Variants in NDUFA10 observed in about 807,000 individuals in gnomAD.
The protein encoded by NDUFA10 is NADH:ubiquinone oxidoreductase subunit A10, also known as NADH dehydrogenase [ubiquinone] 1 alpha subcomplex subunit 10, mitochondrial.
NDUFA10 carries 40 observed loss-of-function variants against 47.8 expected under a neutral mutation model. That is an observed-to-expected ratio of 0.84 (90% CI 0.65 to 1.09). The LOEUF (loss-of-function observed/expected upper bound fraction) is 1.09, where lower values mean the gene tolerates loss of function less well. Ranked by LOEUF, NDUFA10 falls within the 50% of genes least tolerant of loss-of-function variation. NDUFA10 has a pLI of 0.00. For synonymous variants in NDUFA10, 183 were observed against 172.2 expected, an observed-to-expected ratio of 1.06 and a Z score of -0.49; for missense variants, 413 against 451.1, an observed-to-expected ratio of 0.92 and a Z score of 0.76.
At chr2:239,898,973 A>AAGAGGTATGATGGAGAGGTATGATGG (rs761584333) in intron 4 of NDUFA10, among the ~76,000 whole-genome samples, 1 of 87,482 alleles carries the variant, frequency 1.1e-5, no homozygotes. Flanking sequence ...GGGTGTGATG[A>AAGAGGTATGATGGAGAGGTATGATGG]AGAGGTATGA....
intron 9 of NDUFA10, chr2:239,982,108 C>T (rs368893528): frequency 1.3e-4 from 215 of 1,612,546 alleles, no homozygotes; most frequent in Middle Eastern, 4.9e-4. Context: ...TGACCTGACA[C>T]GTGTACCTGA....
At chr2:240,003,386 G>C (rs1041914856) in intron 8 of NDUFA10, among the ~76,000 whole-genome samples, 1 of 152,204 alleles carries the variant, frequency 6.6e-6, no homozygotes, top group Non-Finnish European at 1.5e-5. Flanking sequence ...TGAGGAGAGG[G>C]AAGTTGAGTG....
chr2:239,893,180 T>A (rs374740287), intron 5 of NDUFA10, among the ~76,000 whole-genome samples: 3 of 152,026 alleles, frequency 2.0e-5, no homozygotes. Flanking sequence ...GGGCAGGGGG[T>A]GGGCTGATGC....
chr2:240,007,934 T>C (rs1468035734), intron 6 of NDUFA10, among the ~76,000 whole-genome samples: 1 of 152,112 alleles, frequency 6.6e-6, no homozygotes. Context: ...CCTCCACACA[T>C]TTAGGATGTA....
intron 4 of NDUFA10, among the ~76,000 whole-genome samples, chr2:239,920,200 G>A (rs1235698425): frequency 1.3e-5 from 2 of 152,240 alleles, no homozygotes; most frequent in Non-Finnish European, 2.9e-5. Context: ...AACCCCGTGT[G>A]AGGGTTCAGC....
intron 4 of NDUFA10, among the ~76,000 whole-genome samples, chr2:239,927,643 G>A (rs759095378): frequency 2.6e-5 from 4 of 152,164 alleles, no homozygotes; most frequent in Non-Finnish European, 4.4e-5. Context: ...GTCACATGCC[G>A]CACAATTCCA....
Position 240,025,205 on chromosome 2 carries a change from TGCCACCCC to T in NDUFA10, c.75+14_75+21del. On this transcript the variant is annotated intron_variant, in intron 1 of 9. Coordinates refer to ENST00000252711, the MANE Select transcript of NDUFA10 (RefSeq NM_004544.4). ...CCGCCACCCTGCCACCCCGCCACCC[TGCCACCCC>T]GCCGCCCGCTCACCACGCGCTGGGC... 1 of 908,218 alleles carries T rather than the reference TGCCACCCC, an allele frequency of 1.1e-6. No homozygotes were observed. The highest frequency in any genetic ancestry group is 1.4e-6 in the Non-Finnish European group (1 of 704,950). 56.3% of individuals were successfully genotyped at this position (908,218 alleles called of 1,614,324 possible). A position where few individuals can be genotyped will look rare whatever the true frequency, so the allele number is the denominator to read the frequency against.
chr2:239,896,795 C>T (rs1693407493), intron 4 of NDUFA10, among the ~76,000 whole-genome samples: 1 of 152,112 alleles, frequency 6.6e-6, no homozygotes, highest in African/African-American at 2.4e-5. Flanking sequence ...GCAAGTCAAA[C>T]AACAAGATGT....
chr2:239,962,828 C>A (rs769541448), intron 9 of NDUFA10, among the ~76,000 whole-genome samples: 2 of 151,964 alleles, frequency 1.3e-5, no homozygotes, highest in South Asian at 4.2e-4. Flanking sequence ...GAGCATGAGG[C>A]GGGTAGGGGG....
chr2:239,962,061 G>A (rs755988313), intron 9 of NDUFA10, among the ~76,000 whole-genome samples: 3 of 152,222 alleles, frequency 2.0e-5, no homozygotes, highest in Non-Finnish European at 2.9e-5. Flanking sequence ...TGGCTGAGAC[G>A]GAAAGAGGAG....
Position 239,939,428 on chromosome 2 carries a change from G to A in NDUFA10, c.295-44114C>T, listed in dbSNP as rs115720046. On this transcript the variant is annotated intron_variant, in intron 4 of 5. Coordinates refer to the NDUFA10 transcript ENST00000419408. ...TGTCCCAGGAAGTGAGGCAGCTGCA[G>A]TGGAAACAGCTCCCTGGGGGGCCAC... Among the ~76,000 whole-genome samples, 793 of 152,384 alleles carry A rather than the reference G, an allele frequency of 5.2e-3. 9 individuals carry two copies. Among genetic ancestry groups the A allele is most frequent in the South Asian group, 0.038 (182 of 4,832 alleles).
intron 4 of NDUFA10, among the ~76,000 whole-genome samples, chr2:240,015,835 G>A (rs1697324287): frequency 6.6e-6 from 1 of 152,224 alleles, no homozygotes; most frequent in Non-Finnish European, 1.5e-5. Flanking sequence ...CCATGCTAGG[G>A]TCCACAGAAA....
intron 9 of NDUFA10, among the ~76,000 whole-genome samples, chr2:239,965,999 A>C (rs1344312847): frequency 6.6e-6 from 1 of 152,228 alleles, no homozygotes; most frequent in African/African-American, 2.4e-5. Flanking sequence ...AGAAATCAAA[A>C]AGGAAGTTTA....
intron 4 of NDUFA10, among the ~76,000 whole-genome samples, chr2:239,915,508 TACAG>T (rs749137648): frequency 1.5e-4 from 17 of 115,180 alleles, no homozygotes; most frequent in Admixed American, 5.2e-4. Flanking sequence ...CACACAAATA[TACAG>T]ACACACACAG....
chr2:240,015,768 A>T (rs780056577), intron 4 of NDUFA10, among the ~76,000 whole-genome samples: 2 of 152,260 alleles, frequency 1.3e-5, no homozygotes, highest in African/African-American at 2.4e-5. Context: ...GGCCATGCTG[A>T]GAAGCCATCC....
intron 3 of NDUFA10, chr2:240,020,937 G>A: frequency 1.8e-6 from 1 of 566,204 alleles, no homozygotes; most frequent in East Asian, 3.0e-5. Context: ...GAATATGTAA[G>A]TATAGAAGCT....
chr2:239,975,624 A>G (rs1363516987), intron 9 of NDUFA10, among the ~76,000 whole-genome samples: 1 of 152,184 alleles, frequency 6.6e-6, no homozygotes, highest in African/African-American at 2.4e-5. Flanking sequence ...GCTCGGGGTG[A>G]CCTGGTATTG....
intron 4 of NDUFA10, among the ~76,000 whole-genome samples, chr2:239,895,643 G>C (rs1359741178): frequency 1.3e-5 from 2 of 152,108 alleles, no homozygotes; most frequent in African/African-American, 2.4e-5. Context: ...GAATGTTACT[G>C]TTCATTTTAT....
chr2:239,914,533 CACAG>C (rs1242401625), intron 4 of NDUFA10, among the ~76,000 whole-genome samples: 4 of 149,628 alleles, frequency 2.7e-5, no homozygotes, highest in Non-Finnish European at 5.9e-5. Flanking sequence ...CACATACATA[CACAG>C]ACACACAAAT....
Sources: gnomAD v4.1 joint callset for allele counts (sites outside exome capture counted in the v4.1 genomes callset) on GRCh38, gnomAD v4.1.1 for gene constraint, MANE v1.5 for transcripts, NCBI Gene and HGNC (gene_info 2026-07-23, HGNC 2026-07-21) for gene names.